The following CLASP1 variants were observed in gnomAD, a reference collection of about 807,000 sequenced individuals.
CLASP1 encodes CLIP-associating protein 1.
In CLASP1, 38 loss-of-function variants were observed where a neutral mutation model predicts 192.3. The observed-to-expected ratio is 0.20, with a 90% CI of 0.15 to 0.26. The LOEUF (loss-of-function observed/expected upper bound fraction) is 0.26. CLASP1 is among the 10% of genes least tolerant of loss of function. The pLI, the probability that CLASP1 is intolerant of heterozygous loss-of-function variation, is 1.00. For missense variants in CLASP1, 1,433 were observed against 1,932.5 expected (o/e 0.74, Z 4.85); for synonymous variants, 691 against 712.8 (o/e 0.97, Z 0.49).
chr2:121,590,870 T>A (rs910455355), intron 2 of CLASP1, among the ~76,000 whole-genome samples: 2 of 137,932 alleles, frequency 1.4e-5, no homozygotes, highest in Non-Finnish European at 3.2e-5. Context: ...TTATTTGATT[T>A]TTTTTTTTTT....
chr2:121,450,134 A>G (rs184280068), intron 16 of CLASP1, among the ~76,000 whole-genome samples: 89 of 152,234 alleles, frequency 5.8e-4, no homozygotes, highest in Middle Eastern at 6.8e-3. Context: ...GATCGAGACT[A>G]TCCTGGCTAA....
At chr2:121,501,219 G>A (rs531324795) in intron 8 of CLASP1, among the ~76,000 whole-genome samples, 2 of 152,262 alleles carry the variant, frequency 1.3e-5, no homozygotes, top group East Asian at 3.9e-4. Context: ...TACTTGCACA[G>A]CATGTTCTGT....
rs529199463 is a variant in CLASP1, at chr2:121,394,996, T to C, written c.3123+2144A>G. ...ATTATTTCTTCATGTATTCTCCCGA[T>C]AGCTTTGAACAAGCAAACTTCCTGG... On this transcript the variant is annotated intron_variant, in intron 30 of 39. Coordinates refer to ENST00000263710, the Ensembl canonical transcript of CLASP1. Among the ~76,000 whole-genome samples, 4 of 152,314 alleles carry C rather than the reference T, an allele frequency of 2.6e-5. No homozygotes were observed. The South Asian group carries it at 8.3e-4, about 32-fold the overall frequency.
At chr2:121,550,287 TA>T (rs1389108564) in intron 2 of CLASP1, among the ~76,000 whole-genome samples, 2 of 151,462 alleles carry the variant, frequency 1.3e-5, no homozygotes, top group Non-Finnish European at 2.9e-5. Flanking sequence ...AATGCCAACA[TA>T]AAAAGAAAGA....
intron 19 of CLASP1, among the ~76,000 whole-genome samples, chr2:121,436,154 C>T (rs1474184000): frequency 6.6e-6 from 1 of 151,708 alleles, no homozygotes; most frequent in Non-Finnish European, 1.5e-5. Context: ...GCCTCAGTTT[C>T]CCTAGTAGCT....
At chr2:121,624,889 T>C (rs771830151) in intron 1 of CLASP1, among the ~76,000 whole-genome samples, 1 of 152,244 alleles carries the variant, frequency 6.6e-6, no homozygotes, top group African/African-American at 2.4e-5. Flanking sequence ...TCAGAGTATT[T>C]TCCAATTTTC....
intron 1 of CLASP1, among the ~76,000 whole-genome samples, chr2:121,642,282 T>C (rs114542569): frequency 0.014 from 2,065 of 143,960 alleles, 40 homozygotes; most frequent in African/African-American, 0.05. Flanking sequence ...GCAAGGGTGG[T>C]GGCGCACACC....
intron 1 of CLASP1, among the ~76,000 whole-genome samples, chr2:121,610,581 A>G (rs1288891461): frequency 8.7e-6 from 1 of 115,276 alleles, no homozygotes; most frequent in East Asian, 3.0e-4. Flanking sequence ...AGGAAGAGGA[A>G]CTGGAGAAGG....
At chr2:121,582,173 GAAGGAAAAA>G (rs1483013466) in intron 2 of CLASP1, among the ~76,000 whole-genome samples, 61 of 150,758 alleles carry the variant, frequency 4.0e-4, no homozygotes, top group African/African-American at 1.4e-3. Flanking sequence ...AAGAAGAAAG[GAAGGAAAAA>G]AAGGAAAAAA....
intron 1 of CLASP1, among the ~76,000 whole-genome samples, chr2:121,613,862 T>C (rs1453387633): frequency 1.3e-5 from 2 of 152,202 alleles, no homozygotes; most frequent in Non-Finnish European, 2.9e-5. Flanking sequence ...CCCATAAGTC[T>C]ACGAGGTGGC....
intron 8 of CLASP1, among the ~76,000 whole-genome samples, chr2:121,501,070 T>C (rs1008228555): frequency 2.0e-5 from 3 of 152,206 alleles, no homozygotes; most frequent in African/African-American, 7.2e-5. Flanking sequence ...ATAGGGTATA[T>C]GTACACACTC....
At chr2:121,360,338 A>G (rs1400207648) in intron 37 of CLASP1, among the ~76,000 whole-genome samples, 1 of 152,240 alleles carries the variant, frequency 6.6e-6, no homozygotes, top group Non-Finnish European at 1.5e-5. Flanking sequence ...AGGAAAATAG[A>G]CTATGACTTT....
intron 14 of CLASP1, among the ~76,000 whole-genome samples, chr2:121,456,705 T>C (rs774166223): frequency 2.6e-5 from 4 of 152,116 alleles, no homozygotes; most frequent in African/African-American, 4.8e-5. Flanking sequence ...AAGAGGGTCT[T>C]GTACCCATAG....
chr2:121,555,988 CTTTTTTTTTTT>C (rs34423741), intron 2 of CLASP1, among the ~76,000 whole-genome samples: 46 of 42,396 alleles, frequency 1.1e-3, no homozygotes, highest in East Asian at 3.8e-3. Context: ...CTACCCACCG[CTTTTTTTTTTT>C]TTTTTTTTTT....
chr2:121,484,459 G>A (rs2092832805), intron 8 of CLASP1, among the ~76,000 whole-genome samples: 1 of 152,180 alleles, frequency 6.6e-6, no homozygotes, highest in South Asian at 2.1e-4. Flanking sequence ...GGTCCCCTTT[G>A]TCCTGCATGC....
intron 1 of CLASP1, among the ~76,000 whole-genome samples, chr2:121,633,686 C>A (rs767574473): frequency 1.3e-5 from 2 of 152,216 alleles, no homozygotes; most frequent in East Asian, 3.9e-4. Context: ...AGGTCCCCAG[C>A]CAACACTGCT....
chr2:121,381,591 T>G (rs892790545), intron 33 of CLASP1, among the ~76,000 whole-genome samples: 5 of 152,196 alleles, frequency 3.3e-5, no homozygotes, highest in Non-Finnish European at 5.9e-5. Context: ...TGATGCCGCA[T>G]TCAGCATCAA....
chr2:121,539,928 G>T (rs2095192288), intron 2 of CLASP1, among the ~76,000 whole-genome samples: 1 of 152,166 alleles, frequency 6.6e-6, no homozygotes, highest in Non-Finnish European at 1.5e-5. Context: ...ACTCACAATG[G>T]CTAAAACGGA....
chr2:121,639,071 T>C (rs2071504810), intron 1 of CLASP1, among the ~76,000 whole-genome samples: 2 of 152,060 alleles, frequency 1.3e-5, no homozygotes. Flanking sequence ...GGTCAGAAGA[T>C]TGAGACCATC....
Sources: gnomAD v4.1 joint callset for allele counts (sites outside exome capture counted in the v4.1 genomes callset) on GRCh38, gnomAD v4.1.1 for gene constraint, MANE v1.5 for transcripts, NCBI Gene and HGNC (gene_info 2026-07-23, HGNC 2026-07-21) for gene names.